PAK6: variants seen among roughly 807,000 people sequenced by gnomAD.
PAK6 encodes the protein serine/threonine-protein kinase PAK 6.
In PAK6, 33 loss-of-function variants were observed where a neutral mutation model predicts 60.8. That is an observed-to-expected ratio of 0.54 (90% CI 0.41 to 0.73). The LOEUF (loss-of-function observed/expected upper bound fraction) is 0.73. Ranked by LOEUF, PAK6 falls within the 30% of genes least tolerant of loss-of-function variation. PAK6 has a pLI of 0.00. For synonymous variants in PAK6, 404 were observed against 378.5 expected (o/e 1.07, Z -0.78); for missense variants, 845 against 904.1 (o/e 0.93, Z 0.84).
At chr15:40,273,120 TG>T in intron 7 of PAK6, 121 bp downstream of exon 7, 1 of 1,321,950 alleles carries the variant, frequency 7.6e-7, no homozygotes, top group Non-Finnish European at 1.0e-6. Context: ...CCCTGCCTGC[TG>T]GGGTAACTGA....
chr15:40,253,261 C>T (rs977859396), exon 3 of PAK6: 1 of 455,846 alleles, frequency 2.2e-6, no homozygotes, highest in Non-Finnish European at 4.4e-6. Context: ...GGTGAGGAGT[C>T]GCGAGGAAGA....
intron 2 of PAK6, 98 bp downstream of exon 2, chr15:40,240,779 A>T (rs1181617894): frequency 2.7e-6 from 1 of 376,920 alleles, no homozygotes; most frequent in Non-Finnish European, 5.3e-6. Flanking sequence ...AGGGAGGCTA[A>T]CTCCACAGCT....
exon 8 of PAK6, chr15:40,273,367 C>T (rs1363012091): frequency 2.5e-6 from 4 of 1,613,906 alleles, no homozygotes; most frequent in Non-Finnish European, 2.5e-6. Flanking sequence ...AGCAGATTGC[C>T]ACTGTGTGTG....
At position 40,267,674 on chromosome 15, in the gene PAK6, A is replaced by G. The variant is rs549826931; in HGVS notation, c.858+1179A>G. Among the ~76,000 whole-genome samples the G allele has an allele frequency of 9.8e-4, 149 of 151,992 alleles. 1 individual carries two copies. Among genetic ancestry groups the G allele is most frequent in the African/African-American group, 3.5e-3 (145 of 41,478 alleles). ...CGAGACTCCGTCTCAAAAAAAAAAG[A>G]GAAAGTTCTGAGCTTTGTGCACTCT... On this transcript the variant is annotated intron_variant, in intron 5 of 10. Transcript: ENST00000560346.
At chr15:40,273,970 C>G (rs2039381181) in intron 9 of PAK6, 172 bp from the exon 10 acceptor site, 2 of 765,140 alleles carry the variant, frequency 2.6e-6, no homozygotes, top group East Asian at 5.0e-5. Flanking sequence ...AGGCAGTGGT[C>G]ACTCATGCAG....
At chr15:40,253,352 G>C (rs1483278811) in intron 3 of PAK6, 63 bp downstream of exon 3, 1 of 444,540 alleles carries the variant, frequency 2.2e-6, no homozygotes, top group Non-Finnish European at 4.5e-6. Flanking sequence ...AGCAGGCAGG[G>C]AGGGACAGTG....
At chr15:40,270,262 C>T (rs912518018) in intron 5 of PAK6, among the ~76,000 whole-genome samples, 1 of 152,146 alleles carries the variant, frequency 6.6e-6, no homozygotes, top group African/African-American at 2.4e-5. Flanking sequence ...GGCCATGCGC[C>T]CTCCACCCCC....
At chr15:40,274,395 A>AT in intron 10 of PAK6, 119 bp downstream of exon 10, 2 of 1,111,748 alleles carry the variant, frequency 1.8e-6, no homozygotes, top group Admixed American at 5.3e-5. Flanking sequence ...GGCTCCTGGA[A>AT]AAGGCTCCTC....
chr15:40,248,692 C>T lies in PAK6; in HGVS notation c.-117-4486C>T, dbSNP rs374606785. Among the ~76,000 whole-genome samples the T allele has an allele frequency of 4.5e-3, 685 of 152,248 alleles. 30 individuals are homozygous for T. The South Asian group carries it at 0.11, about 24-fold the overall frequency. ...ACACCCAGTGCCATGTGGGGGTCCT[C>T]GCGTGTTACACAGAAATAGGAAGGG... On this transcript the variant is annotated intron_variant, in intron 2 of 10. Transcript: ENST00000560346.
At chr15:40,261,989 C>T (rs1293924825) in intron 3 of PAK6, among the ~76,000 whole-genome samples, 3 of 151,978 alleles carry the variant, frequency 2.0e-5, no homozygotes, top group Admixed American at 2.0e-4. Flanking sequence ...CCCTGTGCAT[C>T]CCCACAGCAA....
upstream of PAK6, chr15:40,239,176 C>G (rs2140932663): frequency 6.6e-6 from 1 of 152,258 alleles, no homozygotes; most frequent in South Asian, 2.1e-4. Context: ...GCGCCGCAGC[C>G]GGGGCCGCTG....
chr15:40,270,098 C>G (rs1456743452), intron 5 of PAK6, among the ~76,000 whole-genome samples: 1 of 152,218 alleles, frequency 6.6e-6, no homozygotes, highest in Non-Finnish European at 1.5e-5. Flanking sequence ...TAAGTCCACA[C>G]TCAGGCCAGC....
At chr15:40,274,110 G>GCCAC in intron 9 of PAK6, 32 bp from the exon 10 acceptor site, 2 of 1,613,094 alleles carry the variant, frequency 1.2e-6, no homozygotes, top group Non-Finnish European at 8.5e-7. Flanking sequence ...CCAGGGTCTG[G>GCCAC]CCATGGGGTC....
exon 6 of PAK6, chr15:40,272,598 G>A: frequency 6.2e-7 from 1 of 1,612,620 alleles, no homozygotes; most frequent in South Asian, 1.1e-5. Flanking sequence ...ACAGCTACGT[G>A]AAGATTGGCG....
chr15:40,262,751 G>A (rs2039015806), intron 3 of PAK6, among the ~76,000 whole-genome samples: 1 of 152,150 alleles, frequency 6.6e-6, no homozygotes, highest in South Asian at 2.1e-4. Flanking sequence ...TTCAAAGAGA[G>A]GTGACATCAC....
At chr15:40,265,182 C>A (rs1042701305) in intron 4 of PAK6, among the ~76,000 whole-genome samples, 193 bp downstream of exon 4, 1 of 152,178 alleles carries the variant, frequency 6.6e-6, no homozygotes, top group Non-Finnish European at 1.5e-5. Context: ...CTGGGGAGAC[C>A]CTCTCTGCAG....
intron 5 of PAK6, chr15:40,266,911 T>G (rs2039154996): frequency 5.9e-6 from 1 of 169,068 alleles, no homozygotes; most frequent in Non-Finnish European, 1.3e-5. Flanking sequence ...CGCACCTTTT[T>G]GCTTCTTCCA....
chr15:40,260,273 G>A (rs2038949494), intron 3 of PAK6: 1 of 152,116 alleles, frequency 6.6e-6, no homozygotes, highest in South Asian at 2.1e-4. Flanking sequence ...GCATAATTTT[G>A]GAGTATGATA....
At chr15:40,273,280 C>A in intron 7 of PAK6, 66 bp from the exon 8 acceptor site, 1 of 1,572,424 alleles carries the variant, frequency 6.4e-7, no homozygotes, top group South Asian at 1.2e-5. Flanking sequence ...CTACTCTGCT[C>A]AGCCACCCCA....
Sources: allele counts gnomAD v4.1 joint callset (sites outside exome capture counted in the v4.1 genomes callset), GRCh38; gene constraint gnomAD v4.1.1; transcripts MANE v1.5; gene names NCBI Gene and HGNC (gene_info 2026-07-23, HGNC 2026-07-21).